The following EIF2A variants were observed in gnomAD, a reference collection of about 807,000 sequenced individuals.
EIF2A encodes eukaryotic translation initiation factor 2A.
In EIF2A, 62 loss-of-function variants were observed where a neutral mutation model predicts 75.2. The observed-to-expected ratio is 0.82, with a 90% CI of 0.67 to 1.02. The LOEUF (loss-of-function observed/expected upper bound fraction) is 1.02, where lower values mean the gene tolerates loss of function less well. EIF2A is among the 50% of genes least tolerant of loss of function. The probability of loss-of-function intolerance (pLI) is 0.00; values close to 1 mark genes in which losing one functional copy is unlikely to be tolerated. For missense variants in EIF2A, 611 were observed against 677.7 expected (o/e 0.90, Z 1.09); for synonymous variants, 207 against 239.0 (o/e 0.87, Z 1.23).
At chr3:150,583,108 TCTC>T in intron 12 of EIF2A, 89 bp from the exon 13 acceptor site, 2 of 1,021,004 alleles carry the variant, frequency 2.0e-6, no homozygotes, top group Admixed American at 6.0e-5. Context: ...AGATAATTAA[TCTC>T]CTTACTTGAG....
intron 11 of EIF2A, among the ~76,000 whole-genome samples, chr3:150,579,064 T>G (rs1725031753): frequency 6.6e-6 from 1 of 152,124 alleles, no homozygotes. Flanking sequence ...AAAAATAAAT[T>G]TTATATATCA....
rs190250643 is a variant in EIF2A, at chr3:150,562,296, C to G, written c.174-246C>G. 4.3e-3 allele frequency among the ~76,000 whole-genome samples: 656 copies of G among 151,712 alleles called. 7 individuals carry two copies. The highest frequency in any genetic ancestry group is 0.015 in the African/African-American group (624 of 41,382). ...AATTAGCCGGGCGTGGTGGCGGGCA[C>G]CTGTAGTCCCAGCTACTTGGGAGGC... On this transcript the variant is annotated intron_variant, in intron 3 of 13. Coordinates refer to ENST00000460851, the MANE Select transcript of EIF2A (RefSeq NM_032025.5).
At chr3:150,559,127 C>T (rs190655434) in intron 3 of EIF2A, among the ~76,000 whole-genome samples, 1 of 152,224 alleles carries the variant, frequency 6.6e-6, no homozygotes, top group Admixed American at 6.5e-5. Flanking sequence ...ACATATAATA[C>T]TGTTAGGTTT....
At chr3:150,549,798 A>T (rs16862734) in intron 1 of EIF2A, among the ~76,000 whole-genome samples, 3,737 of 152,280 alleles carry the variant, frequency 0.025, 168 homozygotes, top group African/African-American at 0.086. Context: ...GTTGCTAGGC[A>T]CATAAAACAG....
chr3:150,559,841 T>C (rs913369744), intron 3 of EIF2A, among the ~76,000 whole-genome samples: 2 of 152,158 alleles, frequency 1.3e-5, no homozygotes, highest in African/African-American at 2.4e-5. Flanking sequence ...ATAATGAGTC[T>C]TATCTACAAT....
chr3:150,562,654 TACACTAGTA>T lies in EIF2A; in HGVS notation c.288_292+4del. 1 of 1,611,482 alleles carries T rather than the reference TACACTAGTA, an allele frequency of 6.2e-7. No homozygotes were observed. The highest frequency in any genetic ancestry group is 1.3e-5 in the African/African-American group (1 of 75,010). Reference sequence around the variant, plus strand: ...TACTGTCCTGGCAACGTGGCAGCCTTACACTAGTAAGTATTTTCTCAGTGTAAAAATACT... The same window carrying T: ...TACTGTCCTGGCAACGTGGCAGCCTTAGTATTTTCTCAGTGTAAAAATACT... On this transcript the variant is annotated splice_donor_variant and splice_donor_region_variant and coding_sequence_variant and intron_variant, in exon 4 of 14. Transcript: ENST00000460851. LOFTEE classifies it high-confidence loss of function.
At chr3:150,557,677 G>T (rs928725820) in intron 2 of EIF2A, 2 of 387,192 alleles carry the variant, frequency 5.2e-6, no homozygotes, top group Non-Finnish European at 1.0e-5. Context: ...GGGATTACAG[G>T]TGTGAGCCAT....
At chr3:150,577,461 T>C (rs1724940549) in intron 11 of EIF2A, among the ~76,000 whole-genome samples, 1 of 152,104 alleles carries the variant, frequency 6.6e-6, no homozygotes, top group Non-Finnish European at 1.5e-5. Context: ...CTGCCTCAGC[T>C]TCCCAAGTAA....
At chr3:150,569,225 A>G (rs974164337) in intron 9 of EIF2A, among the ~76,000 whole-genome samples, 1 of 152,190 alleles carries the variant, frequency 6.6e-6, no homozygotes. Context: ...ATGAAGTCAC[A>G]CTATAACAGC....
chr3:150,553,690 C>A (rs144293059), intron 2 of EIF2A, among the ~76,000 whole-genome samples: 1 of 151,908 alleles, frequency 6.6e-6, no homozygotes, highest in Non-Finnish European at 1.5e-5. Flanking sequence ...GGATTACAGA[C>A]GTGAGCCACC....
chr3:150,550,514 A>G (rs999277414), intron 1 of EIF2A, among the ~76,000 whole-genome samples: 8 of 152,186 alleles, frequency 5.3e-5, no homozygotes, highest in African/African-American at 1.9e-4. Flanking sequence ...AATTTATTTA[A>G]TAGAAAAACT....
In EIF2A at chr3:150,575,277, G is replaced by A. The variant is rs576084283; in HGVS notation, c.1384-372G>A. Among the ~76,000 whole-genome samples, 6 of 152,266 alleles carry A rather than the reference G, an allele frequency of 3.9e-5. No individual in the cohort carries two copies. The South Asian group carries it at 1.2e-3, about 32-fold the overall frequency. ...GTAATTCTTTGTGTGAAGAAAACAA[G>A]CGAGGCAACTGGGTTTCTGTTGACA... On this transcript the variant is annotated intron_variant, in intron 10 of 13. Transcript: ENST00000460851.
rs746115513 is a variant in EIF2A at position 150,568,291 on chromosome 3, A to C, written c.810A>C (p.Leu270Phe). 1 of 1,606,356 alleles carries C rather than the reference A, an allele frequency of 6.2e-7. No homozygotes were observed. The highest frequency in any genetic ancestry group is 2.2e-5 in the East Asian group (1 of 44,770). ...ATGGAGAAAGTGCTGTAGTGCAATT[A>C]CGTGAGTATTCCAGCAGTCTTCCTT... ...ATNGESAVVQ[L>F]PKNGPIYDVV... is the part of the protein sequence containing the mutation. The change falls in exon 9 of 14, where the codon TTA becomes TTC. Residue 270 changes from leucine (L) to phenylalanine (F), a missense_variant and splice_region_variant. Physicochemically the swap from Leu to Phe is conservative, Grantham distance 22. Transcript: ENST00000460851.
intron 10 of EIF2A, among the ~76,000 whole-genome samples, chr3:150,573,626 T>C (rs1576602831): frequency 6.6e-6 from 1 of 152,300 alleles, no homozygotes; most frequent in East Asian, 1.9e-4. Context: ...TGTGTGGTCC[T>C]GTCAAATCAT....
chr3:150,562,122 A>G (rs1723904744), intron 3 of EIF2A, among the ~76,000 whole-genome samples: 1 of 151,236 alleles, frequency 6.6e-6, no homozygotes, highest in African/African-American at 2.4e-5. Flanking sequence ...GTTGATTTTT[A>G]TGAAAAATGA....
intron 11 of EIF2A, among the ~76,000 whole-genome samples, chr3:150,578,139 C>T (rs1049377157): frequency 2.6e-5 from 4 of 151,954 alleles, no homozygotes; most frequent in East Asian, 1.9e-4. Flanking sequence ...CTCTCTGAAA[C>T]GCACTCAACT....
intron 12 of EIF2A, among the ~76,000 whole-genome samples, chr3:150,582,670 A>T (rs1725259125): frequency 6.6e-6 from 1 of 152,158 alleles, no homozygotes; most frequent in Admixed American, 6.5e-5. Flanking sequence ...TTAGGGGCAG[A>T]TATTTATCCT....
At chr3:150,571,598 T>A (rs1362908331) in intron 9 of EIF2A, among the ~76,000 whole-genome samples, 3 of 152,046 alleles carry the variant, frequency 2.0e-5, no homozygotes, top group African/African-American at 7.2e-5. Context: ...CAAAGTAAGA[T>A]CCCATTTCTA....
chr3:150,558,219 G>A (rs1559876058), intron 2 of EIF2A, among the ~76,000 whole-genome samples, 169 bp from the exon 3 acceptor site: 2 of 152,164 alleles, frequency 1.3e-5, no homozygotes, highest in African/African-American at 4.8e-5. Flanking sequence ...TACAGTGATA[G>A]CATTGCATTT....
Sources: allele counts gnomAD v4.1 joint callset (sites outside exome capture counted in the v4.1 genomes callset), GRCh38; gene constraint gnomAD v4.1.1; transcripts MANE v1.5; gene names NCBI Gene and HGNC (gene_info 2026-07-23, HGNC 2026-07-21).